The following AKT3 variants were observed in gnomAD, a reference collection of about 807,000 sequenced individuals.
The protein encoded by AKT3 is RAC-gamma serine/threonine-protein kinase.
AKT3 carries 15 observed loss-of-function variants against 65.3 expected under a neutral mutation model. The observed-to-expected ratio is 0.23, with a 90% confidence interval of 0.15 to 0.35. The LOEUF (loss-of-function observed/expected upper bound fraction) is 0.35. Ranked by LOEUF, AKT3 falls within the 10% of genes least tolerant of loss-of-function variation. The probability of loss-of-function intolerance (pLI) is 1.00; values close to 1 mark genes in which losing one functional copy is unlikely to be tolerated. For synonymous variants in AKT3, 206 were observed against 183.8 expected, an observed-to-expected ratio of 1.12 and a Z score of -0.98; for missense variants, 243 against 576.5, an observed-to-expected ratio of 0.42 and a Z score of 5.92.
intron 2 of AKT3, among the ~76,000 whole-genome samples, chr1:243,704,419 GA>G (rs1685662098): frequency 6.6e-6 from 1 of 152,092 alleles, no homozygotes; most frequent in South Asian, 2.1e-4. Flanking sequence ...AGGTGGAGAA[GA>G]AAAGGGGATG....
intron 1 of AKT3, among the ~76,000 whole-genome samples, chr1:243,849,779 C>G (rs909735723): frequency 4.0e-5 from 6 of 151,898 alleles, no homozygotes; most frequent in African/African-American, 7.2e-5. Flanking sequence ...CCGCCGCCCC[C>G]CAGCTTTCCC....
intron 2 of AKT3, among the ~76,000 whole-genome samples, chr1:243,807,423 G>A (rs1412919061): frequency 1.3e-5 from 2 of 152,188 alleles, no homozygotes; most frequent in African/African-American, 4.8e-5. Flanking sequence ...TGCCCACAGA[G>A]CCTCGCTCGT....
chr1:243,722,568 A>T lies in AKT3; in HGVS notation c.47-26852T>A, dbSNP rs537931346. On this transcript the variant is annotated intron_variant, in intron 2 of 13. Transcript: ENST00000673466. ...CACGAAGTTAAAGAAGGCCCTTATA[A>T]TACACATAAAAAGTCAACAACTTCC... 2.8e-4 allele frequency among the ~76,000 whole-genome samples: 42 copies of T among 152,324 alleles called. No individual in the cohort carries two copies. The South Asian group carries it at 7.9e-3, about 29-fold the overall frequency.
At chr1:243,603,758 G>C (rs1293001771) in intron 8 of AKT3, among the ~76,000 whole-genome samples, 1 of 151,992 alleles carries the variant, frequency 6.6e-6, no homozygotes, top group Non-Finnish European at 1.5e-5. Context: ...AAATACTCCA[G>C]TATCCACAAT....
rs942852926 is a variant in AKT3 at position 243,849,941 on chromosome 1, C to G, written c.-113+99G>C. On this transcript the variant is annotated intron_variant, in intron 1 of 13. Coordinates refer to ENST00000673466, the MANE Select transcript of AKT3 (RefSeq NM_005465.7). ...CCTCACCCCACCCCGCCGCCATCCC[C>G]CGCCTGAGGGAGGCAGGGAGGGCGG... 5 of 896,590 alleles carry G rather than the reference C, an allele frequency of 5.6e-6. No homozygotes were observed. The African/African-American group carries it at 9.1e-5, about 16-fold the overall frequency. 55.5% of individuals were successfully genotyped at this position (896,590 alleles called of 1,614,324 possible).
chr1:243,689,688 C>T (rs1684567269), intron 3 of AKT3, among the ~76,000 whole-genome samples: 1 of 152,040 alleles, frequency 6.6e-6, no homozygotes, highest in Admixed American at 6.6e-5. Context: ...TGCACAGTAG[C>T]TCATGCCTAT....
chr1:243,609,338 G>C (rs1002607831), intron 8 of AKT3, among the ~76,000 whole-genome samples: 9 of 93,694 alleles, frequency 9.6e-5, no homozygotes, highest in African/African-American at 4.2e-5. Flanking sequence ...CATTTTCTGT[G>C]TGTGTGTGTG....
intron 13 of AKT3, chr1:243,489,065 G>A: frequency 6.2e-7 from 1 of 1,613,442 alleles, no homozygotes; most frequent in Non-Finnish European, 8.5e-7. Context: ...AGCTGGTGCA[G>A]CTCCTCAGCA....
At chr1:243,671,261 G>A (rs917371351) in intron 3 of AKT3, among the ~76,000 whole-genome samples, 2 of 151,948 alleles carry the variant, frequency 1.3e-5, no homozygotes, top group Non-Finnish European at 2.9e-5. Flanking sequence ...TGTATTTTTA[G>A]TAGAGACGGG....
chr1:243,708,967 T>G (rs1250577100), intron 2 of AKT3, among the ~76,000 whole-genome samples: 1 of 152,040 alleles, frequency 6.6e-6, no homozygotes, highest in Non-Finnish European at 1.5e-5. Context: ...ATTCTTACAC[T>G]AAGAATCTTT....
At chr1:243,684,403 C>CGGT (rs1684142255) in intron 3 of AKT3, among the ~76,000 whole-genome samples, 1 of 152,002 alleles carries the variant, frequency 6.6e-6, no homozygotes, top group African/African-American at 2.4e-5. Flanking sequence ...TGAGAACATG[C>CGGT]GGTGTTTGGT....
chr1:243,706,574 C>A (rs1685812063), intron 2 of AKT3, among the ~76,000 whole-genome samples: 1 of 151,844 alleles, frequency 6.6e-6, no homozygotes, highest in South Asian at 2.1e-4. Context: ...TAAAATGGCA[C>A]TGCATCAAAC....
chr1:243,776,142 T>A (rs1357765122), intron 2 of AKT3, among the ~76,000 whole-genome samples: 2 of 152,214 alleles, frequency 1.3e-5, no homozygotes, highest in Admixed American at 6.5e-5. Flanking sequence ...ATACTTTCCA[T>A]CAATGAAGAG....
At position 243,502,821 on chromosome 1, in the gene AKT3, T is replaced by G; in HGVS notation, c.*2428A>C. ...AGTGGCCCGCCTGGGGCAATGTCAG[T>G]GCCAGTCATTAATCTTTAAGAAGTG... On this transcript the variant is annotated 3_prime_UTR_variant, in exon 14 of 14. Coordinates refer to ENST00000673466, the MANE Select transcript of AKT3 (RefSeq NM_005465.7). 8.6e-6 allele frequency: 2 copies of G among 233,264 alleles called. No individual in the cohort carries two copies. The highest frequency in any genetic ancestry group is 8.5e-6 in the Non-Finnish European group (1 of 118,046). The allele number at this position is 233,264 out of a possible 1,614,324, so 14.4% of individuals were successfully genotyped here.
intron 2 of AKT3, chr1:243,739,466 A>G (rs1321415610): frequency 6.6e-6 from 1 of 152,228 alleles, no homozygotes; most frequent in Non-Finnish European, 1.5e-5. Context: ...TTTTAAGTTA[A>G]ATTTTTAAAT....
chr1:243,499,791 A>T lies in AKT3; in HGVS notation c.*5458T>A. ...TGCCACAATCTGATTGCTGACCTGGATGGAACAGAGTGAAATAAATGATTT... is the reference window on the plus strand; with the variant it reads ...TGCCACAATCTGATTGCTGACCTGGTTGGAACAGAGTGAAATAAATGATTT... On this transcript the variant is annotated 3_prime_UTR_variant, in exon 14 of 14. Transcript: ENST00000673466. 1 of 1,612,388 alleles carries T rather than the reference A, an allele frequency of 6.2e-7. No homozygotes were observed. The highest frequency in any genetic ancestry group is 8.5e-7 in the Non-Finnish European group (1 of 1,178,780).
intron 3 of AKT3, among the ~76,000 whole-genome samples, chr1:243,665,095 T>C (rs1225281969): frequency 6.6e-6 from 1 of 152,058 alleles, no homozygotes; most frequent in Non-Finnish European, 1.5e-5. Context: ...AACTGGACTA[T>C]ATAATTTTCC....
chr1:243,638,370 G>A (rs1680132555), intron 5 of AKT3, among the ~76,000 whole-genome samples: 1 of 152,148 alleles, frequency 6.6e-6, no homozygotes, highest in Non-Finnish European at 1.5e-5. Context: ...CCTGTTTTCA[G>A]TTTCACTTCT....
chr1:243,710,347 C>G (rs1003800646), intron 2 of AKT3, among the ~76,000 whole-genome samples: 5 of 152,218 alleles, frequency 3.3e-5, no homozygotes, highest in Non-Finnish European at 7.4e-5. Context: ...TAAATTTAGA[C>G]TGTAACACTT....
Sources: gnomAD v4.1 joint callset for allele counts (sites outside exome capture counted in the v4.1 genomes callset) on GRCh38, gnomAD v4.1.1 for gene constraint, MANE v1.5 for transcripts, NCBI Gene and HGNC (gene_info 2026-07-23, HGNC 2026-07-21) for gene names.